Variants in ENTHD1 observed in about 807,000 individuals in gnomAD.
ENTHD1 encodes ENTH domain-containing protein 1.
ENTHD1 carries 23 observed loss-of-function variants against 39.1 expected under a neutral mutation model. That is an observed-to-expected ratio of 0.59 (90% CI 0.42 to 0.83). The LOEUF is 0.83. ENTHD1 is among the 40% of genes least tolerant of loss of function. The pLI is 0.00. For missense variants in ENTHD1, 624 were observed against 705.4 expected (o/e 0.88, Z 1.31); for synonymous variants, 230 against 258.2 (o/e 0.89, Z 1.05).
intron 4 of ENTHD1, among the ~76,000 whole-genome samples, chr22:39,823,478 G>A (rs1343859034): frequency 1.3e-5 from 2 of 152,064 alleles, no homozygotes; most frequent in East Asian, 1.9e-4. Flanking sequence ...CCAAGTAGCT[G>A]GGACTACAGG....
chr22:39,769,017 T>C (rs144376332), intron 5 of ENTHD1, among the ~76,000 whole-genome samples: 5 of 150,422 alleles, frequency 3.3e-5, no homozygotes, highest in East Asian at 1.9e-4. Context: ...TGTACATATA[T>C]ACACACTAAC....
chr22:39,836,064 C>A lies in ENTHD1; in HGVS notation c.593-106G>T, dbSNP rs930114978. On this transcript the variant is annotated intron_variant, in intron 3 of 6. Transcript: ENST00000325157. ...ATCACTTCTGAAGATACCTTTTTTTCCTGCTAAATATAAACCATCTGCCAG... is the reference window on the plus strand; with the variant it reads ...ATCACTTCTGAAGATACCTTTTTTTACTGCTAAATATAAACCATCTGCCAG... 8.3e-6 allele frequency: 6 copies of A among 726,644 alleles called. No individual in the cohort carries two copies. In the African/African-American group the frequency reaches 1.1e-4, roughly 13 times the overall value. The allele number at this position is 726,644 out of a possible 1,614,324, so 45.0% of individuals were successfully genotyped here.
chr22:39,884,931 A>G (rs1256178232), intron 2 of ENTHD1, among the ~76,000 whole-genome samples: 1 of 152,222 alleles, frequency 6.6e-6, no homozygotes, highest in Non-Finnish European at 1.5e-5. Flanking sequence ...ATGTTCTTGT[A>G]TTGGACAATG....
At chr22:39,746,620 G>T (rs1054051206) in intron 6 of ENTHD1, among the ~76,000 whole-genome samples, 5 of 152,188 alleles carry the variant, frequency 3.3e-5, no homozygotes, top group African/African-American at 1.2e-4. Context: ...ATAGTCATTT[G>T]TTGGGGAACC....
intron 6 of ENTHD1, among the ~76,000 whole-genome samples, chr22:39,757,159 T>C (rs2065191429): frequency 6.6e-6 from 1 of 152,220 alleles, no homozygotes; most frequent in Admixed American, 6.5e-5. Context: ...CTCTCAGAAA[T>C]GTTTCATAGT....
At chr22:39,757,671 C>T (rs1218385547) in intron 6 of ENTHD1, among the ~76,000 whole-genome samples, 1 of 151,210 alleles carries the variant, frequency 6.6e-6, no homozygotes, top group African/African-American at 2.4e-5. Flanking sequence ...AGTGAAACTC[C>T]ATCTCAAAAA....
chr22:39,834,499 G>A (rs2065893831), intron 4 of ENTHD1, among the ~76,000 whole-genome samples: 1 of 152,080 alleles, frequency 6.6e-6, no homozygotes, highest in Admixed American at 6.5e-5. Flanking sequence ...AGTTGGTTAG[G>A]ATGCAGAGCT....
chr22:39,784,525 G>GCTCT (rs148124035), intron 5 of ENTHD1, among the ~76,000 whole-genome samples: 1 of 141,580 alleles, frequency 7.1e-6, no homozygotes, highest in African/African-American at 2.7e-5. Flanking sequence ...AAGAAAATGC[G>GCTCT]CTCTCTCTCT....
intron 5 of ENTHD1, among the ~76,000 whole-genome samples, chr22:39,816,293 T>A (rs1601613997): frequency 1.3e-5 from 2 of 152,348 alleles, no homozygotes; most frequent in East Asian, 3.9e-4. Flanking sequence ...TAATGTATTT[T>A]AGAATCTGTG....
chr22:39,884,370 G>A (rs2066364114), intron 2 of ENTHD1, among the ~76,000 whole-genome samples: 1 of 151,946 alleles, frequency 6.6e-6, no homozygotes, highest in African/African-American at 2.4e-5. Flanking sequence ...AGTAAAGATG[G>A]GGTTTCACCA....
intron 6 of ENTHD1, among the ~76,000 whole-genome samples, chr22:39,762,219 G>A (rs893672271): frequency 6.6e-6 from 1 of 152,058 alleles, no homozygotes; most frequent in South Asian, 2.1e-4. Context: ...GGTCGGTCAA[G>A]AATTTGGGAA....
At chr22:39,890,079 T>C (rs900437902) in intron 1 of ENTHD1, among the ~76,000 whole-genome samples, 3 of 150,508 alleles carry the variant, frequency 2.0e-5, no homozygotes, top group East Asian at 1.9e-4. Context: ...GCCTGGGAGA[T>C]AGAGTGAGAC....
intron 4 of ENTHD1, among the ~76,000 whole-genome samples, chr22:39,834,183 A>G (rs2065891739): frequency 1.3e-5 from 2 of 152,162 alleles, no homozygotes; most frequent in Admixed American, 6.5e-5. Context: ...AGATATTGTT[A>G]AAAAGAAAAC....
intron 6 of ENTHD1, among the ~76,000 whole-genome samples, chr22:39,759,994 C>T (rs913390132): frequency 1.3e-5 from 2 of 151,274 alleles, no homozygotes; most frequent in African/African-American, 4.9e-5. Flanking sequence ...TTTCATACCG[C>T]ACTTTATTTC....
Position 39,835,746 on chromosome 22 carries a change from G to T in ENTHD1, c.711+94C>A. ...TTTAGCCCAGTGAGCCCTGGGTCAGGCTTCTAACCTACAGAAGATAATAAA... is the reference window on the plus strand; with the variant it reads ...TTTAGCCCAGTGAGCCCTGGGTCAGTCTTCTAACCTACAGAAGATAATAAA... On this transcript the variant is annotated intron_variant, in intron 4 of 6. Coordinates refer to ENST00000325157, the MANE Select transcript of ENTHD1 (RefSeq NM_152512.4). 1.2e-5 allele frequency: 10 copies of T among 826,760 alleles called. No homozygotes were observed. The South Asian group carries it at 1.7e-4, about 14-fold the overall frequency. The allele number at this position is 826,760 out of a possible 1,614,324, so 51.2% of individuals were successfully genotyped here. A position where few individuals can be genotyped will look rare whatever the true frequency, so the allele number is the denominator to read the frequency against.
At chr22:39,809,583 G>T (rs1182616184) in intron 5 of ENTHD1, among the ~76,000 whole-genome samples, 2 of 152,208 alleles carry the variant, frequency 1.3e-5, no homozygotes, top group Admixed American at 1.3e-4. Flanking sequence ...AGATGGGACT[G>T]TCGGGATGGA....
intron 5 of ENTHD1, among the ~76,000 whole-genome samples, chr22:39,804,587 T>A (rs1601605751): frequency 6.6e-6 from 1 of 152,184 alleles, no homozygotes; most frequent in East Asian, 1.9e-4. Context: ...TCATCCAATA[T>A]TCAGTTCAAC....
chr22:39,756,150 T>C (rs2065182365), intron 6 of ENTHD1, among the ~76,000 whole-genome samples: 1 of 152,144 alleles, frequency 6.6e-6, no homozygotes, highest in Non-Finnish European at 1.5e-5. Context: ...AACTTTCAAA[T>C]TGTGGCCCTC....
At position 39,765,618 on chromosome 22, in the gene ENTHD1, G is replaced by A. The variant is rs746283308; in HGVS notation, c.833-9C>T. 1 of 1,582,854 alleles carries A rather than the reference G, an allele frequency of 6.3e-7. No homozygotes were observed. The highest frequency in any genetic ancestry group is 1.8e-5 in the Admixed American group (1 of 54,134). On this transcript the variant is annotated splice_polypyrimidine_tract_variant and intron_variant, in intron 5 of 6. Transcript: ENST00000325157. ...GAGAGTAGGCACAGCATCTATAAAA[G>A]AACAAATAAGAGCTATAATCAAAAA...
Sources: gnomAD v4.1 joint callset for allele counts (sites outside exome capture counted in the v4.1 genomes callset) on GRCh38, gnomAD v4.1.1 for gene constraint, MANE v1.5 for transcripts, NCBI Gene and HGNC (gene_info 2026-07-23, HGNC 2026-07-21) for gene names.